The following MMUT variants were observed in gnomAD, a reference collection of about 807,000 sequenced individuals.
The protein encoded by MMUT is methylmalonyl-CoA mutase, mitochondrial.
In MMUT, 79 loss-of-function variants were observed where a neutral mutation model predicts 79.9. The ratio of observed to expected loss-of-function variants is 0.99; its 90% confidence interval spans 0.82 to 1.19. The LOEUF (loss-of-function observed/expected upper bound fraction) is 1.19, where lower values mean the gene tolerates loss of function less well. MMUT is among the 50% of genes most tolerant of loss of function. The pLI, the probability that MMUT is intolerant of heterozygous loss-of-function variation, is 0.00. For synonymous variants in MMUT, 273 were observed against 295.7 expected, an observed-to-expected ratio of 0.92 and a Z score of 0.79; for missense variants, 860 against 917.2, an observed-to-expected ratio of 0.94 and a Z score of 0.81.
chr6:49,438,237 A>G (rs1264257505), intron 11 of MMUT, among the ~76,000 whole-genome samples: 1 of 152,120 alleles, frequency 6.6e-6, no homozygotes, highest in Non-Finnish European at 1.5e-5. Flanking sequence ...TTTTTGTATT[A>G]TCATTCTATG....
At position 49,444,697 on chromosome 6, in the gene MMUT, A is replaced by G; in HGVS notation, c.1618T>C (p.Cys540Arg). 1 of 1,613,474 alleles carries G rather than the reference A, an allele frequency of 6.2e-7. No individual in the cohort carries two copies. The highest frequency in any genetic ancestry group is 8.5e-7 in the Non-Finnish European group (1 of 1,179,542). ...ATATTTCCATCTCCGCTAGCAGCAC[A>G]TTCGGTTAGTGCAGCAAGACAACGT... is the stretch of plus-strand genomic sequence containing the variant. ...AERCLAALTECAASGDGNILA... is the reference protein window; with the variant it reads ...AERCLAALTERAASGDGNILA... Residue 540 changes from cysteine (C) to arginine (R), a missense_variant, in exon 9 of 13, where the codon TGT becomes CGT. Transcript: ENST00000274813.
At position 49,459,214 on chromosome 6, in the gene MMUT, G is replaced by A. The variant is rs762507663; in HGVS notation, c.253C>T (p.Leu85Phe). The A allele has an allele frequency of 2.0e-5, 32 of 1,614,090 alleles. No individual in the cohort carries two copies. The highest frequency in any genetic ancestry group is 2.7e-5 in the Non-Finnish European group (32 of 1,180,046). The change falls in exon 2 of 13, where the codon CTT becomes TTT. Residue 85 changes from leucine to phenylalanine, a missense_variant. By Grantham distance (22) the Leu-to-Phe change is conservative. Coordinates refer to ENST00000274813, the MANE Select transcript of MMUT (RefSeq NM_000255.4). The stretch of plus-strand genomic sequence containing the variant: ...CGTGTGAATGGCTTCACTCCTGGAA[G>A]TTCTTCAGGTAAGTCCATAGTATCT... ...KRDTMDLPEELPGVKPFTRGP... is the reference protein window; with the variant it reads ...KRDTMDLPEEFPGVKPFTRGP...
chr6:49,452,386 G>A (rs1417465005), intron 5 of MMUT, among the ~76,000 whole-genome samples: 1 of 152,114 alleles, frequency 6.6e-6, no homozygotes, highest in East Asian at 1.9e-4. Context: ...AGGCTGGAGT[G>A]CAGTGGCGCA....
rs1174781816 is a variant in MMUT at position 49,430,977 on chromosome 6, T to G, written c.*751A>C. On this transcript the variant is annotated 3_prime_UTR_variant, in exon 13 of 13. Coordinates refer to ENST00000274813, the MANE Select transcript of MMUT (RefSeq NM_000255.4). The stretch of plus-strand genomic sequence containing the variant: ...TTGAATTCTTTCTATATCACAGACC[T>G]ACACTCACAGTTGACATCACCATTC... The G allele has an allele frequency of 6.6e-6, 1 of 152,224 alleles. No individual in the cohort carries two copies. The highest frequency in any genetic ancestry group is 1.5e-5 in the Non-Finnish European group (1 of 68,044). The allele number at this position is 152,224 out of a possible 1,614,324, so 9.4% of individuals were successfully genotyped here. A position where few individuals can be genotyped will look rare whatever the true frequency, so the allele number is the denominator to read the frequency against.
Position 49,431,557 on chromosome 6 carries a change from T to C in MMUT, c.*171A>G. 1 of 602,924 alleles carries C rather than the reference T, an allele frequency of 1.7e-6. No individual in the cohort carries two copies. The allele number at this position is 602,924 out of a possible 1,614,324, so 37.3% of individuals were successfully genotyped here. A position where few individuals can be genotyped will look rare whatever the true frequency, so the allele number is the denominator to read the frequency against. On this transcript the variant is annotated 3_prime_UTR_variant, in exon 13 of 13. Transcript: ENST00000274813. ...TTTTTATTTTTGAAGTGAAACTGTA[T>C]GTACATACTTATAGCATGACACCAG... is the stretch of plus-strand genomic sequence containing the variant.
intron 5 of MMUT, among the ~76,000 whole-genome samples, chr6:49,453,162 T>G (rs1186770591): frequency 2.0e-5 from 3 of 151,172 alleles, no homozygotes; most frequent in Non-Finnish European, 2.9e-5. Flanking sequence ...CTACGTCAGC[T>G]TCCCAAGTAG....
chr6:49,451,683 ATTGCAGTACGGACAATATTATTG>A lies in MMUT; in HGVS notation c.1092_1114del (p.Asn365ArgfsTer19), dbSNP rs1476515561. 5 of 1,613,880 alleles carry A rather than the reference ATTGCAGTACGGACAATATTATTG, an allele frequency of 3.1e-6. No homozygotes were observed. The highest frequency in any genetic ancestry group is 4.2e-6 in the Non-Finnish European group (5 of 1,179,894). Reference sequence around the variant, plus strand: ...TCCAAATACTGCTGCCATTGCTTCTATTGCAGTACGGACAATATTATTGTAGGGATCCTAAAATATTTGATAAA... The same window carrying A: ...TCCAAATACTGCTGCCATTGCTTCTATAGGGATCCTAAAATATTTGATAAA... On this transcript the variant is annotated frameshift_variant, in exon 6 of 13. Transcript: ENST00000274813. LOFTEE classifies it high-confidence loss of function.
At chr6:49,446,148 T>C (rs1046806720) in intron 8 of MMUT, among the ~76,000 whole-genome samples, 1 of 151,804 alleles carries the variant, frequency 6.6e-6, no homozygotes, top group African/African-American at 2.4e-5. Flanking sequence ...TGAAAACAGA[T>C]GCTAAAATTA....
intron 11 of MMUT, among the ~76,000 whole-genome samples, chr6:49,436,305 A>G (rs573187556): frequency 7.2e-5 from 11 of 152,238 alleles, no homozygotes; most frequent in Non-Finnish European, 1.5e-4. Context: ...AAATCTTTCT[A>G]TTATAAAAAC....
intron 1 of MMUT, among the ~76,000 whole-genome samples, chr6:49,462,419 A>C (rs551967330): frequency 1.3e-5 from 2 of 152,222 alleles, no homozygotes; most frequent in Non-Finnish European, 2.9e-5. Flanking sequence ...GGGCATGAAA[A>C]TTATATTTGA....
rs750475071 is a variant in MMUT at position 49,453,681 on chromosome 6, C to T, written c.987G>A (p.Trp329Ter). The T allele has an allele frequency of 6.2e-7, 1 of 1,612,902 alleles. No homozygotes were observed. The highest frequency in any genetic ancestry group is 1.3e-5 in the African/African-American group (1 of 74,796). The change falls in exon 5 of 13, where the codon TGG (tryptophan) becomes TGA (stop). Residue 329 changes from tryptophan to a stop codon, truncating the protein, a stop_gained. Transcript: ENST00000274813. LOFTEE classifies it high-confidence loss of function. ...IAKMRAGRRL[W>*]AHLIEKMFQP... ...GAAACATTTTCTCTATTAAGTGAGCCCAGAGTCTTCTACCAGCTCTCATCT... is the reference window on the plus strand; with the variant it reads ...GAAACATTTTCTCTATTAAGTGAGCTCAGAGTCTTCTACCAGCTCTCATCT...
chr6:49,437,821 A>G (rs1298838800), intron 11 of MMUT, among the ~76,000 whole-genome samples: 1 of 151,924 alleles, frequency 6.6e-6, no homozygotes, highest in Non-Finnish European at 1.5e-5. Flanking sequence ...TCCACTTCAG[A>G]GAGTGATTTT....
At chr6:49,439,008 T>C (rs921179183) in intron 11 of MMUT, among the ~76,000 whole-genome samples, 3 of 151,716 alleles carry the variant, frequency 2.0e-5, no homozygotes, top group African/African-American at 7.3e-5. Context: ...CCCCCTTACA[T>C]ATATATATAT....
chr6:49,433,354 A>C (rs971271588), intron 12 of MMUT, among the ~76,000 whole-genome samples: 13 of 152,192 alleles, frequency 8.5e-5, no homozygotes, highest in African/African-American at 3.1e-4. Flanking sequence ...TTGCAACTGA[A>C]AAAAGGGTAT....
At chr6:49,432,259 T>TC (rs1766998207) in intron 12 of MMUT, among the ~76,000 whole-genome samples, 1 of 152,220 alleles carries the variant, frequency 6.6e-6, no homozygotes, top group Non-Finnish European at 1.5e-5. Flanking sequence ...CTAGGTATTT[T>TC]GTCTGCAGTT....
intron 8 of MMUT, among the ~76,000 whole-genome samples, chr6:49,445,395 A>G (rs1270495876): frequency 6.6e-6 from 1 of 152,104 alleles, no homozygotes; most frequent in Non-Finnish European, 1.5e-5. Context: ...CCTGTAAAAG[A>G]GTCTAAAATA....
chr6:49,435,504 A>G lies in MMUT; in HGVS notation c.2076T>C (p.Leu692=). Residue 692 remains leucine, a synonymous_variant, in exon 12 of 13, where the codon CTT becomes CTC. Transcript: ENST00000274813. ...VPELIKELNS[L]GRPDILVMCG... ...ACATGACAAGAATATCTGGCCGTCC[A>G]AGGGAGTTAAGTTCTTTGATGAGTT... 1 of 1,614,174 alleles carries G rather than the reference A, an allele frequency of 6.2e-7. No homozygotes were observed. Among genetic ancestry groups the G allele is most frequent in the African/African-American group, 1.3e-5 (1 of 75,066 alleles).
At chr6:49,446,846 TA>T (rs1767421490) in intron 8 of MMUT, among the ~76,000 whole-genome samples, 1 of 151,368 alleles carries the variant, frequency 6.6e-6, no homozygotes, top group Non-Finnish European at 1.5e-5. Flanking sequence ...CAAAAATAAA[TA>T]CTATTAGATT....
At chr6:49,449,419 T>C (rs566281960) in intron 6 of MMUT, among the ~76,000 whole-genome samples, 1 of 152,104 alleles carries the variant, frequency 6.6e-6, no homozygotes, top group Non-Finnish European at 1.5e-5. Context: ...AGGATCAAGG[T>C]CAACCTGCTT....
Sources: allele counts gnomAD v4.1 joint callset (sites outside exome capture counted in the v4.1 genomes callset), GRCh38; gene constraint gnomAD v4.1.1; transcripts MANE v1.5; gene names NCBI Gene and HGNC (gene_info 2026-07-23, HGNC 2026-07-21).